TMOD1: variants seen among roughly 807,000 people sequenced by gnomAD.
The protein encoded by TMOD1 is tropomodulin-1.
Under a neutral mutation model 40.6 loss-of-function variants are expected in TMOD1, and 17 were observed. That is an observed-to-expected ratio of 0.42 (90% CI 0.29 to 0.63). TMOD1 has a LOEUF of 0.63. Ranked by LOEUF, TMOD1 falls within the 20% of genes least tolerant of loss-of-function variation. TMOD1 has a pLI of 0.22. For synonymous variants in TMOD1, 181 were observed against 175.0 expected, an observed-to-expected ratio of 1.03 and a Z score of -0.27; for missense variants, 391 against 447.6, an observed-to-expected ratio of 0.87 and a Z score of 1.14.
intron 8 of TMOD1, among the ~76,000 whole-genome samples, chr9:97,574,289 C>T (rs1253191967): frequency 6.6e-6 from 1 of 152,032 alleles, no homozygotes; most frequent in Non-Finnish European, 1.5e-5. Flanking sequence ...GGTGGGCGTG[C>T]TCTCGGCGGG....
Position 97,574,233 on chromosome 9 carries a change from G to A in TMOD1, c.870+5196G>A, listed in dbSNP as rs549522607. 4.6e-5 allele frequency among the ~76,000 whole-genome samples: 7 copies of A among 152,138 alleles called. No individual in the cohort carries two copies. The South Asian group carries it at 1.5e-3, about 32-fold the overall frequency. ...GAGGTGTGGAGGGAGAGGCGCCGGC[G>A]GGAACCAGGGCTGTGCGCGGCGCTT... On this transcript the variant is annotated intron_variant, in intron 8 of 9. Transcript: ENST00000259365.
In TMOD1 at chr9:97,576,300, C is replaced by T. The variant is rs969905512; in HGVS notation, c.870+7263C>T. 5.3e-5 allele frequency among the ~76,000 whole-genome samples: 8 copies of T among 152,008 alleles called. 1 individual carries two copies. Among genetic ancestry groups the T allele is most frequent in the Admixed American group, 5.2e-4 (8 of 15,268 alleles). On this transcript the variant is annotated intron_variant, in intron 8 of 9. Coordinates refer to ENST00000259365, the MANE Select transcript of TMOD1 (RefSeq NM_003275.4). ...TGTAAAAAAAAGTAAAGGAAATTAG[C>T]CAGACATGGTGGCACGTGCCTGTAG...
At chr9:97,511,767 T>C (rs1443611756) in intron 1 of TMOD1, among the ~76,000 whole-genome samples, 1 of 152,184 alleles carries the variant, frequency 6.6e-6, no homozygotes, top group African/African-American at 2.4e-5. Flanking sequence ...AAATTGTTTG[T>C]AGAGACAAGG....
At chr9:97,560,873 A>T (rs1398350493) in intron 4 of TMOD1, among the ~76,000 whole-genome samples, 1 of 151,978 alleles carries the variant, frequency 6.6e-6, no homozygotes, top group Admixed American at 6.6e-5. Flanking sequence ...AAAAAAAAAA[A>T]TTTGTTGTTT....
At chr9:97,558,645 T>C (rs1830569359) in intron 4 of TMOD1, among the ~76,000 whole-genome samples, 1 of 152,288 alleles carries the variant, frequency 6.6e-6, no homozygotes, top group Admixed American at 6.5e-5. Context: ...GGTTTCACCA[T>C]GTTGGCCAGG....
chr9:97,581,499 G>C (rs1411022162), intron 8 of TMOD1, among the ~76,000 whole-genome samples: 1 of 151,904 alleles, frequency 6.6e-6, no homozygotes, highest in Non-Finnish European at 1.5e-5. Context: ...TAGTCCTTTG[G>C]GTATATACCC....
intron 8 of TMOD1, among the ~76,000 whole-genome samples, chr9:97,589,132 AAAAG>A (rs1391178686): frequency 4.0e-5 from 6 of 149,834 alleles, no homozygotes; most frequent in African/African-American, 9.8e-5. Context: ...AAAAAAAAAA[AAAAG>A]AAGAAGAATT....
At chr9:97,503,477 A>C (rs528828137) in intron 1 of TMOD1, among the ~76,000 whole-genome samples, 1 of 152,226 alleles carries the variant, frequency 6.6e-6, no homozygotes, top group Non-Finnish European at 1.5e-5. Flanking sequence ...TAAAGTTTCC[A>C]TCAGTTAGAG....
chr9:97,524,078 T>C (rs1259114592), intron 1 of TMOD1, 63 bp from the exon 2 acceptor site: 30 of 1,279,884 alleles, frequency 2.3e-5, no homozygotes, highest in Non-Finnish European at 2.9e-5. Flanking sequence ...ACGATGAGCC[T>C]CCATTTGCTC....
At chr9:97,574,337 C>T (rs903165813) in intron 8 of TMOD1, among the ~76,000 whole-genome samples, 1 of 152,210 alleles carries the variant, frequency 6.6e-6, no homozygotes. Context: ...CCGCCGGCTC[C>T]GGGCAGTGAG....
At chr9:97,531,937 C>T (rs904728121) in intron 2 of TMOD1, among the ~76,000 whole-genome samples, 2 of 152,106 alleles carry the variant, frequency 1.3e-5, no homozygotes, top group Non-Finnish European at 2.9e-5. Context: ...AGCAAGTCAG[C>T]GGCCGAGCCA....
intron 2 of TMOD1, among the ~76,000 whole-genome samples, chr9:97,542,867 AG>A (rs1277012680): frequency 6.2e-5 from 9 of 144,972 alleles, no homozygotes; most frequent in African/African-American, 2.3e-4. Context: ...AAAAAAAAAA[AG>A]GAAGAAAATA....
intron 1 of TMOD1, among the ~76,000 whole-genome samples, chr9:97,519,427 C>A (rs1035254051): frequency 6.6e-6 from 1 of 152,148 alleles, no homozygotes; most frequent in Non-Finnish European, 1.5e-5. Context: ...CTTGAGTTTG[C>A]GAAGGTGTTT....
intron 4 of TMOD1, among the ~76,000 whole-genome samples, chr9:97,560,693 T>C (rs1166980017): frequency 6.7e-6 from 1 of 148,608 alleles, no homozygotes; most frequent in East Asian, 1.9e-4. Context: ...ATAAAGTATT[T>C]ATATATTGTA....
intron 9 of TMOD1, among the ~76,000 whole-genome samples, chr9:97,591,966 G>A (rs1401977712): frequency 6.6e-6 from 1 of 150,462 alleles, no homozygotes; most frequent in Non-Finnish European, 1.5e-5. Context: ...TAAAGGCATA[G>A]TTTGTTTTTT....
At chr9:97,555,684 T>G (rs1830526790) in intron 4 of TMOD1, 1 of 1,551,058 alleles carries the variant, frequency 6.4e-7, no homozygotes, top group African/African-American at 1.4e-5. Flanking sequence ...TGAACACTTT[T>G]GACCACCTAC....
At position 97,568,863 on chromosome 9, in the gene TMOD1, T is replaced by C. The variant is rs531913413; in HGVS notation, c.727-31T>C. ...CTCCAGCCTTGCTCGGGGTGACTCA[T>C]GGGTATCCTTGCTTTCTCTTGTGCT... On this transcript the variant is annotated intron_variant, in intron 7 of 9. Coordinates refer to ENST00000259365, the MANE Select transcript of TMOD1 (RefSeq NM_003275.4). 89 of 1,611,322 alleles carry C rather than the reference T, an allele frequency of 5.5e-5. 1 individual carries two copies. The South Asian group carries it at 9.2e-4, about 17-fold the overall frequency.
At chr9:97,516,758 T>C (rs1829816823) in intron 1 of TMOD1, 1 of 152,058 alleles carries the variant, frequency 6.6e-6, no homozygotes, top group East Asian at 1.9e-4. Flanking sequence ...ACTCCAGTCA[T>C]CGGTGGCCCC....
rs376930350 is a variant in TMOD1, at chr9:97,599,702, G to C, written c.*4G>C. On this transcript the variant is annotated 3_prime_UTR_variant, in exon 10 of 10. Coordinates refer to ENST00000259365, the MANE Select transcript of TMOD1 (RefSeq NM_003275.4). ...CAAGTGCCGGAGTGGTGTCTAGTGT[G>C]TGGCGGTGGAGTCCATGCCTTTGAA... The C allele has an allele frequency of 6.2e-7, 1 of 1,614,064 alleles. No homozygotes were observed. Among genetic ancestry groups the C allele is most frequent in the African/African-American group, 1.3e-5 (1 of 74,936 alleles).
Sources: allele counts gnomAD v4.1 joint callset (sites outside exome capture counted in the v4.1 genomes callset), GRCh38; gene constraint gnomAD v4.1.1; transcripts MANE v1.5; gene names NCBI Gene and HGNC (gene_info 2026-07-23, HGNC 2026-07-21).